SAMD5: variants seen among roughly 807,000 people sequenced by gnomAD.
The protein encoded by SAMD5 is sterile alpha motif domain containing 5.
A neutral mutation model predicts 11.3 loss-of-function variants in SAMD5; 13 were observed. That is an observed-to-expected ratio of 1.15 (90% confidence interval 0.75 to 1.83). SAMD5 has a LOEUF of 1.83. Ranked by LOEUF, SAMD5 falls within the 40% of genes most tolerant of loss-of-function variation. The pLI is 0.00. For synonymous variants in SAMD5, 129 were observed against 111.3 expected, an observed-to-expected ratio of 1.16 and a Z score of -1.00; for missense variants, 255 against 239.1, an observed-to-expected ratio of 1.07 and a Z score of -0.44.
At chr6:147,626,115 C>G (rs570602147) in intron 1 of SAMD5, among the ~76,000 whole-genome samples, 1 of 152,196 alleles carries the variant, frequency 6.6e-6, no homozygotes, top group South Asian at 2.1e-4. Context: ...GGCCTTACTT[C>G]TTTGAGTGTG....
chr6:147,694,181 A>G (rs759419831), intron 1 of SAMD5, among the ~76,000 whole-genome samples: 2 of 152,188 alleles, frequency 1.3e-5, no homozygotes, highest in Non-Finnish European at 2.9e-5. Flanking sequence ...TGCTTAGGAA[A>G]CATCTGGTAA....
At chr6:147,619,058 T>C (rs1789917918) in intron 1 of SAMD5, among the ~76,000 whole-genome samples, 1 of 152,190 alleles carries the variant, frequency 6.6e-6, no homozygotes, top group Non-Finnish European at 1.5e-5. Context: ...CCCAAAGCTG[T>C]GTGATCACAG....
At chr6:147,535,096 T>G (rs913039363) in intron 1 of SAMD5, among the ~76,000 whole-genome samples, 1 of 152,200 alleles carries the variant, frequency 6.6e-6, no homozygotes, top group Non-Finnish European at 1.5e-5. Context: ...TTGGGTTTTA[T>G]AACATCTTAA....
rs1181827227 is a variant in SAMD5, at chr6:147,623,484, TG to T, written c.163-113832del. 2.0e-5 allele frequency among the ~76,000 whole-genome samples: 3 copies of T among 152,236 alleles called. 1 individual carries two copies. Among genetic ancestry groups the T allele is most frequent in the Non-Finnish European group, 4.4e-5 (3 of 68,036 alleles). Reference sequence around the variant, plus strand: ...TTACACTAACATTGTAAGAGGAGTTTGCTCTGCCTCCCACCCCACTGACATA... The same window carrying T: ...TTACACTAACATTGTAAGAGGAGTTTCTCTGCCTCCCACCCCACTGACATA... On this transcript the variant is annotated intron_variant, in intron 1 of 1. Coordinates refer to the SAMD5 transcript ENST00000566741.
the SAMD5 span, among the ~76,000 whole-genome samples, chr6:147,780,570 G>A: frequency 1.3e-5 from 2 of 152,112 alleles, no homozygotes; most frequent in Non-Finnish European, 2.9e-5. Context: ...TATTCCATGA[G>A]TGAAATATGG....
intron 1 of SAMD5, among the ~76,000 whole-genome samples, chr6:147,578,938 T>C (rs1789256423): frequency 6.6e-6 from 1 of 152,264 alleles, no homozygotes; most frequent in African/African-American, 2.4e-5. Flanking sequence ...CTCAGGATAA[T>C]ATAAATAATT....
chr6:147,939,932 G>A, the SAMD5 span, among the ~76,000 whole-genome samples: 1 of 152,116 alleles, frequency 6.6e-6, no homozygotes, highest in Non-Finnish European at 1.5e-5. Flanking sequence ...GGATCATCTG[G>A]GAGGGAACTA....
intron 1 of SAMD5, among the ~76,000 whole-genome samples, chr6:147,685,787 A>G (rs1791002450): frequency 6.6e-6 from 1 of 152,166 alleles, no homozygotes; most frequent in Non-Finnish European, 1.5e-5. Flanking sequence ...TCACTGGGAT[A>G]CAAGAAGGCA....
At chr6:147,676,559 A>G (rs957852554) in intron 1 of SAMD5, among the ~76,000 whole-genome samples, 8 of 152,124 alleles carry the variant, frequency 5.3e-5, no homozygotes, top group Non-Finnish European at 4.4e-5. Flanking sequence ...CTCCTATTGG[A>G]AGGTGAATTC....
At chr6:147,593,557 G>T (rs921741797) in intron 1 of SAMD5, among the ~76,000 whole-genome samples, 2 of 152,172 alleles carry the variant, frequency 1.3e-5, no homozygotes, top group Non-Finnish European at 2.9e-5. Flanking sequence ...GCTGTGTATT[G>T]AAGTGTTAGT....
the SAMD5 span, among the ~76,000 whole-genome samples, chr6:147,829,520 G>A: frequency 6.6e-6 from 1 of 152,128 alleles, no homozygotes; most frequent in South Asian, 2.1e-4. Flanking sequence ...CTAAAATCTG[G>A]TAGATAATAA....
the SAMD5 span, among the ~76,000 whole-genome samples, chr6:147,929,144 G>A: frequency 6.6e-6 from 1 of 152,082 alleles, no homozygotes; most frequent in Non-Finnish European, 1.5e-5. Flanking sequence ...CACTGTCCTG[G>A]TTCCAAAATA....
intron 1 of SAMD5, among the ~76,000 whole-genome samples, chr6:147,551,998 T>C (rs1788783711): frequency 6.6e-6 from 1 of 151,988 alleles, no homozygotes; most frequent in Non-Finnish European, 1.5e-5. Context: ...TTCTGAAAAA[T>C]ATCCCACCCG....
At chr6:147,895,799 G>A in the SAMD5 span, among the ~76,000 whole-genome samples, 3 of 152,144 alleles carry the variant, frequency 2.0e-5, no homozygotes, top group Admixed American at 6.5e-5. Flanking sequence ...TACAGCAATC[G>A]GATTTTGTTG....
chr6:147,917,127 G>A, the SAMD5 span, among the ~76,000 whole-genome samples: 14 of 81,978 alleles, frequency 1.7e-4, 3 homozygotes, highest in East Asian at 2.8e-3. Context: ...TTGAGGAATC[G>A]CCACACTGTC....
At chr6:147,542,185 C>G (rs1788616207) in intron 1 of SAMD5, among the ~76,000 whole-genome samples, 1 of 152,182 alleles carries the variant, frequency 6.6e-6, no homozygotes, top group South Asian at 2.1e-4. Context: ...TCGGCAGCAC[C>G]CTGCCAGTAG....
chr6:147,649,755 C>T (rs890998908), intron 1 of SAMD5, among the ~76,000 whole-genome samples: 9 of 149,992 alleles, frequency 6.0e-5, no homozygotes, highest in South Asian at 2.1e-4. Flanking sequence ...CGCGCCACTG[C>T]GCTCCAGCCT....
At chr6:147,755,905 G>T in the SAMD5 span, among the ~76,000 whole-genome samples, 1 of 152,016 alleles carries the variant, frequency 6.6e-6, no homozygotes, top group Non-Finnish European at 1.5e-5. Context: ...AAATAACATT[G>T]AACACAAATG....
At chr6:147,863,201 G>T in the SAMD5 span, among the ~76,000 whole-genome samples, 1 of 152,176 alleles carries the variant, frequency 6.6e-6, no homozygotes, top group African/African-American at 2.4e-5. Flanking sequence ...TAAATTCAGA[G>T]ACTGGGCATC....
Sources: allele counts gnomAD v4.1 joint callset (sites outside exome capture counted in the v4.1 genomes callset), GRCh38; gene constraint gnomAD v4.1.1; transcripts MANE v1.5; gene names NCBI Gene and HGNC (gene_info 2026-07-23, HGNC 2026-07-21).